Variants in TM9SF4 observed in about 807,000 individuals in gnomAD.
The protein encoded by TM9SF4 is dinucleotide oxidase disulfide thiol exchanger 3 superfamily member 4.
A neutral mutation model predicts 90.4 loss-of-function variants in TM9SF4; 26 were observed. The observed-to-expected ratio is 0.29, with a 90% CI of 0.21 to 0.40. The LOEUF (loss-of-function observed/expected upper bound fraction) is 0.40, where lower values mean the gene tolerates loss of function less well. Ranked by LOEUF, TM9SF4 falls within the 10% of genes least tolerant of loss-of-function variation. The probability of loss-of-function intolerance (pLI) is 1.00; values close to 1 mark genes in which losing one functional copy is unlikely to be tolerated. For synonymous variants in TM9SF4, 293 were observed against 315.4 expected, an observed-to-expected ratio of 0.93 and a Z score of 0.75; for missense variants, 549 against 834.8, an observed-to-expected ratio of 0.66 and a Z score of 4.22.
intron 1 of TM9SF4, 118 bp downstream of exon 1, chr20:32,109,873 G>A: frequency 1.3e-6 from 2 of 1,530,130 alleles, no homozygotes; most frequent in Non-Finnish European, 8.8e-7. Flanking sequence ...ACTCAGGCCT[G>A]AGGGCTACCT....
At chr20:32,111,801 G>A (rs755388324) in intron 1 of TM9SF4, among the ~76,000 whole-genome samples, 9 of 152,198 alleles carry the variant, frequency 5.9e-5, no homozygotes, top group African/African-American at 2.2e-4. Flanking sequence ...CGATGTGGAA[G>A]GGAGCTTGGT....
chr20:32,165,155 C>T lies in TM9SF4; in HGVS notation c.1780-140C>T, dbSNP rs78405589. Reference sequence around the variant, plus strand: ...AGCTGTGCCCATGAACCCTGCCTGCCGCTTGCCACCCACTGGAGCACGCCC... The same window carrying T: ...AGCTGTGCCCATGAACCCTGCCTGCTGCTTGCCACCCACTGGAGCACGCCC... On this transcript the variant is annotated intron_variant, in intron 17 of 17. Coordinates refer to ENST00000398022, the MANE Select transcript of TM9SF4 (RefSeq NM_014742.4). The T allele has an allele frequency of 8.7e-4, 945 of 1,082,504 alleles. 7 individuals carry two copies. The African/African-American group carries it at 0.012, about 14-fold the overall frequency. 67.1% of individuals were successfully genotyped at this position (1,082,504 alleles called of 1,614,324 possible). A position where few individuals can be genotyped will look rare whatever the true frequency, so the allele number is the denominator to read the frequency against.
intron 1 of TM9SF4, among the ~76,000 whole-genome samples, chr20:32,111,128 C>CT (rs2046136769): frequency 6.6e-6 from 1 of 152,146 alleles, no homozygotes; most frequent in African/African-American, 2.4e-5. Flanking sequence ...ATGAGGGATT[C>CT]CTTATTTAGA....
At chr20:32,124,768 G>A (rs1370822988) in intron 1 of TM9SF4, among the ~76,000 whole-genome samples, 1 of 151,984 alleles carries the variant, frequency 6.6e-6, no homozygotes, top group Admixed American at 6.6e-5. Context: ...TGTATTTTTA[G>A]TAGAGACAGG....
At chr20:32,143,520 G>A (rs6089195) in intron 6 of TM9SF4, among the ~76,000 whole-genome samples, 15,082 of 152,116 alleles carry the variant, frequency 0.099, 1,555 homozygotes, top group African/African-American at 0.26. Flanking sequence ...AGGTTTCTTC[G>A]TTCCTCTCCC....
intron 1 of TM9SF4, among the ~76,000 whole-genome samples, chr20:32,122,384 G>T (rs1480628908): frequency 6.6e-6 from 1 of 151,348 alleles, no homozygotes; most frequent in Non-Finnish European, 1.5e-5. Flanking sequence ...TGGCTGCCGG[G>T]CGGAGAGGCT....
intron 17 of TM9SF4, 100 bp from the exon 18 acceptor site, chr20:32,165,195 G>C: frequency 6.6e-7 from 1 of 1,526,438 alleles, no homozygotes; most frequent in South Asian, 1.2e-5. Flanking sequence ...CCCTGGCCAG[G>C]CCTCAGTTTC....
chr20:32,138,463 T>TA (rs1173329996), intron 3 of TM9SF4, among the ~76,000 whole-genome samples: 1 of 152,138 alleles, frequency 6.6e-6, no homozygotes, highest in Non-Finnish European at 1.5e-5. Flanking sequence ...ATACAAAATT[T>TA]AAAAAAATTT....
At chr20:32,129,118 TAA>T (rs11475892) in intron 1 of TM9SF4, among the ~76,000 whole-genome samples, 2 of 148,000 alleles carry the variant, frequency 1.4e-5, no homozygotes, top group Admixed American at 6.7e-5. Flanking sequence ...TTTCCAAAGA[TAA>T]AAAAAAAAAG....
rs867766494 is a variant in TM9SF4, at chr20:32,149,717, C to T, written c.1038C>T (p.Ser346=). 6.2e-7 allele frequency: 1 copy of T among 1,614,226 alleles called. No homozygotes were observed. The highest frequency in any genetic ancestry group is 2.2e-5 in the East Asian group (1 of 44,894). The change falls in exon 10 of 18, where the codon TCC becomes TCT. Residue 346 remains serine (S), a synonymous_variant. Coordinates refer to ENST00000398022, the MANE Select transcript of TM9SF4 (RefSeq NM_014742.4). The part of the protein sequence containing the change: ...RPPQYPMILS[S]LLGSGIQLFC... The stretch of plus-strand genomic sequence containing the variant: ...CCCAGTACCCCATGATCCTCAGCTC[C>T]CTGCTGGGCTCAGGCATTCAGCTGT...
At chr20:32,163,442 C>A (rs1181402174) in intron 17 of TM9SF4, among the ~76,000 whole-genome samples, 1 of 151,076 alleles carries the variant, frequency 6.6e-6, no homozygotes. Flanking sequence ...TCTACTCTTT[C>A]CAGCTTTGCA....
chr20:32,141,340 C>T lies in TM9SF4; in HGVS notation c.230-157C>T, dbSNP rs144348391. On this transcript the variant is annotated intron_variant, in intron 3 of 17. Coordinates refer to ENST00000398022, the MANE Select transcript of TM9SF4 (RefSeq NM_014742.4). ...GTCGAGGTTAGCTGGGACCGTTGGG[C>T]GTGAAGCAATGGGAAGGGCATTGGC... Among the ~76,000 whole-genome samples the T allele has an allele frequency of 3.1e-3, 465 of 150,820 alleles. 1 individual carries two copies. Among genetic ancestry groups the T allele is most frequent in the Non-Finnish European group, 4.7e-3 (318 of 67,864 alleles).
At chr20:32,151,745 G>A (rs919030927) in intron 12 of TM9SF4, among the ~76,000 whole-genome samples, 64 of 152,236 alleles carry the variant, frequency 4.2e-4, no homozygotes, top group South Asian at 3.5e-3. Flanking sequence ...ACAATGGCGC[G>A]ATCTCGGATC....
intron 1 of TM9SF4, among the ~76,000 whole-genome samples, chr20:32,122,477 T>C: frequency 6.9e-6 from 1 of 144,062 alleles, no homozygotes; most frequent in African/African-American, 2.7e-5. Context: ...GAGGGTCTCC[T>C]CACTTCTCAG....
At chr20:32,127,015 C>G (rs118077498) in intron 1 of TM9SF4, among the ~76,000 whole-genome samples, 1 of 152,038 alleles carries the variant, frequency 6.6e-6, no homozygotes, top group African/African-American at 2.4e-5. Context: ...ATTACAGGCA[C>G]GAGCCACCGC....
At chr20:32,110,021 C>G (rs1447864393) in intron 1 of TM9SF4, 6 of 1,395,480 alleles carry the variant, frequency 4.3e-6, no homozygotes, top group Non-Finnish European at 3.7e-6. Context: ...TCCCATTCTA[C>G]TTTTGGTCTC....
At chr20:32,129,345 T>A (rs1043708400) in intron 1 of TM9SF4, among the ~76,000 whole-genome samples, 2 of 151,838 alleles carry the variant, frequency 1.3e-5, no homozygotes, top group Non-Finnish European at 2.9e-5. Flanking sequence ...ATCAAAAAAA[T>A]TGCGGTGCAT....
intron 1 of TM9SF4, among the ~76,000 whole-genome samples, chr20:32,121,698 G>C (rs956552171): frequency 6.6e-6 from 1 of 152,138 alleles, no homozygotes; most frequent in Non-Finnish European, 1.5e-5. Flanking sequence ...ATCCTGGCCC[G>C]CTCTCAATGA....
At chr20:32,156,934 G>A (rs967455728) in intron 13 of TM9SF4, among the ~76,000 whole-genome samples, 6 of 98,104 alleles carry the variant, frequency 6.1e-5, no homozygotes, top group Admixed American at 4.2e-4. Flanking sequence ...TTTTTTCCTG[G>A]ACATTTTCTT....
Sources: gnomAD v4.1 joint callset for allele counts (sites outside exome capture counted in the v4.1 genomes callset) on GRCh38, gnomAD v4.1.1 for gene constraint, MANE v1.5 for transcripts, NCBI Gene and HGNC (gene_info 2026-07-23, HGNC 2026-07-21) for gene names.